POLD3: variants seen among roughly 807,000 people sequenced by gnomAD.
POLD3 encodes DNA polymerase delta 3, accessory subunit.
In POLD3, 19 loss-of-function variants were observed where a neutral mutation model predicts 58.2. The observed-to-expected ratio is 0.33, with a 90% CI of 0.23 to 0.48. POLD3 has a LOEUF of 0.48. POLD3 is among the 20% of genes least tolerant of loss of function. The pLI is 0.99. For missense variants in POLD3, 504 were observed against 545.5 expected, an observed-to-expected ratio of 0.92 and a Z score of 0.76; for synonymous variants, 172 against 193.5, an observed-to-expected ratio of 0.89 and a Z score of 0.92.
At position 74,610,012 on chromosome 11, in the gene POLD3, A is replaced by G. The variant is rs7129504; in HGVS notation, c.220-1487A>G. 8.5e-3 allele frequency among the ~76,000 whole-genome samples: 1,300 copies of G among 152,298 alleles called. 6 individuals are homozygous for G. The highest frequency in any genetic ancestry group is 0.014 in the Non-Finnish European group (938 of 68,026). ...TTTTGCTAGTGTGTTTTAGGGTTAC[A>G]TTCCTAGAGTAGGATTGCTCGGTCA... On this transcript the variant is annotated intron_variant, in intron 3 of 11. Coordinates refer to ENST00000263681, the MANE Select transcript of POLD3 (RefSeq NM_006591.3).
At chr11:74,606,919 A>C (rs1040468522) in intron 3 of POLD3, among the ~76,000 whole-genome samples, 8 of 152,098 alleles carry the variant, frequency 5.3e-5, no homozygotes, top group Non-Finnish European at 1.0e-4. Context: ...TCTTAATCAG[A>C]GTTCTATATA....
At chr11:74,657,039 T>A (rs1303831810) in intron 4 of POLD3, among the ~76,000 whole-genome samples, 3 of 76,666 alleles carry the variant, frequency 3.9e-5, no homozygotes, top group African/African-American at 1.5e-4. Flanking sequence ...TATAATGACC[T>A]TCCTTGTCTC....
intron 4 of POLD3, among the ~76,000 whole-genome samples, chr11:74,650,147 G>T (rs952206839): frequency 1.3e-5 from 2 of 152,174 alleles, no homozygotes; most frequent in Non-Finnish European, 2.9e-5. Context: ...TCAGAGTAAT[G>T]CTTTGGACTT....
intron 2 of POLD3, among the ~76,000 whole-genome samples, chr11:74,599,368 A>ATTTT (rs60458731): frequency 2.2e-4 from 30 of 139,498 alleles, no homozygotes; most frequent in African/African-American, 7.6e-4. Flanking sequence ...CTCTCAAGTA[A>ATTTT]TTTTTTTTTT....
Position 74,592,734 on chromosome 11 carries a change from T to G in POLD3, c.60+16T>G, listed in dbSNP as rs1238118220. 2 of 1,613,734 alleles carry G rather than the reference T, an allele frequency of 1.2e-6. No homozygotes were observed. Among genetic ancestry groups the G allele is most frequent in the East Asian group, 2.2e-5 (1 of 44,860 alleles). Reference sequence around the variant, plus strand: ...AAACAAGATCGTGAGCAGCTACTACTGGGGAACGCGGGCGTGCGACCGGGG... The same window carrying G: ...AAACAAGATCGTGAGCAGCTACTACGGGGGAACGCGGGCGTGCGACCGGGG... On this transcript the variant is annotated intron_variant, in intron 1 of 11. Transcript: ENST00000263681.
chr11:74,607,370 C>T (rs1270182322), intron 3 of POLD3, among the ~76,000 whole-genome samples: 3 of 150,570 alleles, frequency 2.0e-5, no homozygotes, highest in East Asian at 1.9e-4. Flanking sequence ...TCACGTCATT[C>T]TCCTGCCTCA....
intron 10 of POLD3, among the ~76,000 whole-genome samples, chr11:74,635,055 A>C (rs1591316839): frequency 6.6e-6 from 1 of 152,168 alleles, no homozygotes; most frequent in South Asian, 2.1e-4. Context: ...CAAACAACTT[A>C]ACACACGTTT....
intron 4 of POLD3, among the ~76,000 whole-genome samples, chr11:74,661,343 G>C (rs1327877017): frequency 4.6e-5 from 7 of 152,106 alleles, no homozygotes; most frequent in Non-Finnish European, 4.4e-5. Flanking sequence ...TCTTTGGGAA[G>C]GCTTTTCAGG....
At chr11:74,645,649 A>G (rs1317729811), downstream of POLD3, among the ~76,000 whole-genome samples, 3 of 152,236 alleles carry the variant, frequency 2.0e-5, no homozygotes, top group Non-Finnish European at 4.4e-5. Context: ...CGTTAATGAA[A>G]TAATGCATGG....
chr11:74,618,456 T>TA, intron 5 of POLD3, 81 bp from the exon 6 acceptor site: 2 of 942,634 alleles, frequency 2.1e-6, no homozygotes, highest in Non-Finnish European at 3.2e-6. Flanking sequence ...ATACTGACAT[T>TA]AGTTTTTTTT....
At chr11:74,618,164 A>C (rs1448473652) in intron 5 of POLD3, among the ~76,000 whole-genome samples, 1 of 152,212 alleles carries the variant, frequency 6.6e-6, no homozygotes, top group Non-Finnish European at 1.5e-5. Flanking sequence ...CCCAAGGATA[A>C]TGAAATTACT....
At chr11:74,637,315 G>T (rs910275643) in intron 11 of POLD3, among the ~76,000 whole-genome samples, 1 of 151,508 alleles carries the variant, frequency 6.6e-6, no homozygotes, top group African/African-American at 2.4e-5. Context: ...CATTTTAATT[G>T]TAACATGTGA....
intron 4 of POLD3, among the ~76,000 whole-genome samples, chr11:74,661,452 G>T (rs74810065): frequency 0.029 from 4,493 of 152,328 alleles, 254 homozygotes; most frequent in African/African-American, 0.1. Flanking sequence ...ATTTAGACTC[G>T]TAGAGTCTTC....
rs755113712 is a variant in POLD3, at chr11:74,625,542, C to A, written c.868C>A (p.Pro290Thr). 1 of 1,611,084 alleles carries A rather than the reference C, an allele frequency of 6.2e-7. No individual in the cohort carries two copies. The highest frequency in any genetic ancestry group is 8.5e-7 in the Non-Finnish European group (1 of 1,178,978). ...GAAAAAATCCAGCAAAAAAGCAGAG[C>A]CTGTTAAGGTGCTGCAGAAGGAAAA... The part of the protein sequence containing the change: ...GLKKSSKKAE[P>T]VKVLQKEKKR... Residue 290 changes from proline to threonine, a missense_variant, in exon 8 of 12, where the codon CCT (proline) becomes ACT (threonine). Physicochemically the swap from Pro to Thr is conservative, Grantham distance 38. This residue lies in a region of POLD3 where 385 missense variants were observed against 370.5 expected (regional missense o/e 1.04). Coordinates refer to ENST00000263681, the MANE Select transcript of POLD3 (RefSeq NM_006591.3).
intron 9 of POLD3, among the ~76,000 whole-genome samples, chr11:74,634,274 A>G (rs1056992427): frequency 1.3e-5 from 2 of 152,264 alleles, no homozygotes. Context: ...AAAGTGAAAT[A>G]CATGGCATAT....
intron 4 of POLD3, among the ~76,000 whole-genome samples, chr11:74,663,310 G>T (rs1251374468): frequency 6.6e-6 from 1 of 152,212 alleles, no homozygotes; most frequent in African/African-American, 2.4e-5. Context: ...TCTCCAAATG[G>T]ATCAATAGGT....
At chr11:74,633,655 C>A (rs542513681) in intron 9 of POLD3, among the ~76,000 whole-genome samples, 107 of 152,306 alleles carry the variant, frequency 7.0e-4, no homozygotes, top group African/African-American at 2.5e-3. Context: ...ATTTTTACTT[C>A]CCCTCTCATG....
intron 4 of POLD3, among the ~76,000 whole-genome samples, chr11:74,663,051 A>G (rs1313525921): frequency 6.6e-6 from 1 of 152,200 alleles, no homozygotes; most frequent in Non-Finnish European, 1.5e-5. Flanking sequence ...TTGGTGATTC[A>G]AGACTATAAT....
intron 3 of POLD3, among the ~76,000 whole-genome samples, chr11:74,609,828 A>AT (rs1239764481): frequency 6.6e-6 from 1 of 152,176 alleles, no homozygotes; most frequent in Non-Finnish European, 1.5e-5. Flanking sequence ...TTATAGAAAT[A>AT]TTCCTCATTA....
Sources: allele counts gnomAD v4.1 joint callset (sites outside exome capture counted in the v4.1 genomes callset), GRCh38; gene constraint gnomAD v4.1.1; regional missense constraint gnomAD v4.1.1; transcripts MANE v1.5; gene names NCBI Gene and HGNC (gene_info 2026-07-23, HGNC 2026-07-21).